Variants in BCL11B observed in about 807,000 individuals in gnomAD.
The protein encoded by BCL11B is BCL11 transcription factor B, also known as B-cell lymphoma/leukemia 11B.
BCL11B carries 8 observed loss-of-function variants against 49.9 expected under a neutral mutation model. The ratio of observed to expected loss-of-function variants is 0.16; its 90% confidence interval spans 0.09 to 0.29. The LOEUF (loss-of-function observed/expected upper bound fraction) is 0.29. Ranked by LOEUF, BCL11B falls within the 10% of genes least tolerant of loss-of-function variation. The pLI is 1.00. For missense variants in BCL11B, 1,006 were observed against 1,351.0 expected (o/e 0.74, Z 4.00); for synonymous variants, 739 against 637.4 (o/e 1.16, Z -2.40).
chr14:99,226,091 A>G (rs1273932848), intron 3 of BCL11B, among the ~76,000 whole-genome samples: 1 of 152,252 alleles, frequency 6.6e-6, no homozygotes, highest in Non-Finnish European at 1.5e-5. Flanking sequence ...AGCACTGTGA[A>G]GGCTGGGTTG....
At chr14:99,178,223 G>A (rs1282363058) in intron 3 of BCL11B, among the ~76,000 whole-genome samples, 1 of 152,226 alleles carries the variant, frequency 6.6e-6, no homozygotes, top group African/African-American at 2.4e-5. Flanking sequence ...TGTGTGTTTG[G>A]TGATGAGAAG....
chr14:99,230,432 TCAC>T (rs1057313476), intron 3 of BCL11B, among the ~76,000 whole-genome samples: 8 of 152,196 alleles, frequency 5.3e-5, no homozygotes, highest in African/African-American at 9.6e-5. Flanking sequence ...CCACGGCTGC[TCAC>T]CACATGTGTC....
chr14:99,222,883 C>T (rs1297784680), intron 3 of BCL11B, among the ~76,000 whole-genome samples: 1 of 150,582 alleles, frequency 6.6e-6, no homozygotes, highest in Non-Finnish European at 1.5e-5. Context: ...CCTTTCTTTC[C>T]TTTCTTTCTT....
chr14:99,250,859 C>A (rs1888988430), intron 2 of BCL11B, among the ~76,000 whole-genome samples: 1 of 41,040 alleles, frequency 2.4e-5, no homozygotes, highest in East Asian at 7.8e-4. Flanking sequence ...AGGCCTCAAA[C>A]CTTAAGAGAA....
chr14:99,231,301 C>A lies in BCL11B; in HGVS notation c.640+44G>T. The A allele has an allele frequency of 1.9e-6, 3 of 1,584,694 alleles. No individual in the cohort carries two copies. The highest frequency in any genetic ancestry group is 1.1e-5 in the South Asian group (1 of 87,744). On this transcript the variant is annotated intron_variant, in intron 3 of 3. Transcript: ENST00000357195. This position sits in a 1 kb window ranked among gnomAD's most constrained non-coding sequence, Gnocchi z 8.1. The stretch of plus-strand genomic sequence containing the variant: ...CTCCAGCGCTGCCCATGGCACACCC[C>A]GCCATCCCGGGGGCCCGCCCCCCAC...
At chr14:99,187,997 T>C (rs184717115) in intron 3 of BCL11B, among the ~76,000 whole-genome samples, 12 of 152,310 alleles carry the variant, frequency 7.9e-5, no homozygotes, top group African/African-American at 2.6e-4. Context: ...CCGAGTTATA[T>C]AGGTTAGCTA....
rs1029128266 is a variant in BCL11B, at chr14:99,175,939, C to G, written c.897G>C (p.Leu299=). The change falls in exon 4 of 4, where the codon CTG becomes CTC. Residue 299 remains leucine, a synonymous_variant. Coordinates refer to ENST00000357195, the MANE Select transcript of BCL11B (RefSeq NM_138576.4). ...FNLLRMTGPI[L]RDHPGFGEGR... Reference sequence around the variant, plus strand: ...CCTCGCCGAAGCCCGGGTGGTCCCGCAGGATGGGGCCCGTCATGCGCAGCA... The same window carrying G: ...CCTCGCCGAAGCCCGGGTGGTCCCGGAGGATGGGGCCCGTCATGCGCAGCA... The G allele has an allele frequency of 1.4e-6, 2 of 1,449,108 alleles. No homozygotes were observed. The highest frequency in any genetic ancestry group is 9.1e-7 in the Non-Finnish European group (1 of 1,102,238). The allele number at this position is 1,449,108 out of a possible 1,614,324, so 89.8% of individuals were successfully genotyped here.
chr14:99,267,900 T>A (rs1031985008), intron 1 of BCL11B, among the ~76,000 whole-genome samples: 2 of 152,130 alleles, frequency 1.3e-5, no homozygotes, highest in African/African-American at 2.4e-5. Flanking sequence ...ACCGTGGACA[T>A]CTTATTTTCC....
rs766014776 is a variant in BCL11B at position 99,257,816 on chromosome 14, C to T, written c.82G>A (p.Ala28Thr). The change falls in exon 2 of 4, where the codon GCC (alanine) becomes ACC (threonine). Residue 28 changes from alanine (A) to threonine (T), a missense_variant. Around this residue, in one of 6 missense-constraint regions of BCL11B, gnomAD observed 411 missense variants for 542.2 expected, o/e 0.76. Transcript: ENST00000357195. This position sits in a 1 kb window ranked among gnomAD's most constrained non-coding sequence, Gnocchi z 6.2. ...ITPEADHVEA[A>T]ILEEDEGLEI... ...AGACCCTCGTCTTCTTCGAGGATGG[C>T]GGCCTCCACATGGTCAGCCTCTGCT... 1.3e-5 allele frequency: 20 copies of T among 1,541,994 alleles called. No individual in the cohort carries two copies. The highest frequency in any genetic ancestry group is 3.9e-5 in the Admixed American group (2 of 51,878).
In BCL11B at chr14:99,175,594, A is replaced by AGGGGGCATG; in HGVS notation, c.1233_1241dup (p.Met412_Pro414dup). The AGGGGGCATG allele has an allele frequency of 6.3e-7, 1 of 1,577,374 alleles. No homozygotes were observed. The highest frequency in any genetic ancestry group is 8.6e-7 in the Non-Finnish European group (1 of 1,165,614). ...GCGGCTGCGGGGGCGGCGTGCCGCC[A>AGGGGGCATG]GGGGGCATGGGCGGCAGCGGCGGCG... On this transcript the variant is annotated inframe_insertion, in exon 4 of 4. Coordinates refer to ENST00000357195, the MANE Select transcript of BCL11B (RefSeq NM_138576.4).
In BCL11B at chr14:99,174,541, C is replaced by G. The variant is rs1449712586; in HGVS notation, c.2295G>C (p.Ser765=). ...CTCCGCTGGCCGTGCCGCTGCGGCC[C>G]GAGAGGCCGCCGTCCAGCAGGTCCC... ...PPGDLLDGGL[S]GRSGTASGGS... The change falls in exon 4 of 4, where the codon TCG becomes TCC. Residue 765 remains serine (S), a synonymous_variant. Coordinates refer to ENST00000357195, the MANE Select transcript of BCL11B (RefSeq NM_138576.4). The G allele has an allele frequency of 6.6e-7, 1 of 1,511,366 alleles. No individual in the cohort carries two copies. Among genetic ancestry groups the G allele is most frequent in the South Asian group, 1.2e-5 (1 of 81,810 alleles). 93.6% of individuals were successfully genotyped at this position (1,511,366 alleles called of 1,614,324 possible). A position where few individuals can be genotyped will look rare whatever the true frequency, so the allele number is the denominator to read the frequency against.
At chr14:99,204,453 G>C (rs934607003) in intron 3 of BCL11B, among the ~76,000 whole-genome samples, 1 of 152,296 alleles carries the variant, frequency 6.6e-6, no homozygotes, top group African/African-American at 2.4e-5. Context: ...CCTTGGGGTA[G>C]GGGGGAGGGA....
At chr14:99,267,682 G>A (rs182558636) in intron 1 of BCL11B, among the ~76,000 whole-genome samples, 7 of 152,134 alleles carry the variant, frequency 4.6e-5, no homozygotes, top group Admixed American at 6.5e-5. Context: ...TGTGAGCACC[G>A]CTGCCTTCAA....
intron 1 of BCL11B, among the ~76,000 whole-genome samples, chr14:99,258,158 T>G (rs1011525412): frequency 6.6e-6 from 1 of 152,210 alleles, no homozygotes; most frequent in African/African-American, 2.4e-5. Flanking sequence ...CGGACACACG[T>G]GCATACACAC....
intron 1 of BCL11B, 105 bp downstream of exon 1, chr14:99,271,056 G>A: frequency 1.6e-6 from 2 of 1,219,448 alleles, no homozygotes; most frequent in Non-Finnish European, 2.2e-6. Flanking sequence ...CCAGCGGGCG[G>A]CCCCGGCGCC....
rs369933059 is a variant in BCL11B, at chr14:99,204,362, G to A, written c.640+26983C>T. On this transcript the variant is annotated intron_variant, in intron 3 of 3. Transcript: ENST00000357195. ...CTGTAACAACCTAGCAACTGCCCCC[G>A]ATCCCGCACCCCACTGGCCTGTCCT... Among the ~76,000 whole-genome samples, 30 of 152,250 alleles carry A rather than the reference G, an allele frequency of 2.0e-4. No individual in the cohort carries two copies. The East Asian group carries it at 5.4e-3, about 27-fold the overall frequency.
rs546453259 is a variant in BCL11B at position 99,231,737 on chromosome 14, G to A, written c.428-180C>T. Among the ~76,000 whole-genome samples the A allele has an allele frequency of 1.3e-4, 19 of 151,998 alleles. No individual in the cohort carries two copies. Among genetic ancestry groups the A allele is most frequent in the African/African-American group, 2.9e-4 (12 of 41,474 alleles). On this transcript the variant is annotated intron_variant, in intron 2 of 3. Transcript: ENST00000357195. This position sits in a 1 kb window ranked among gnomAD's most constrained non-coding sequence, Gnocchi z 8.1. Reference sequence around the variant, plus strand: ...GGGACACAGGCGAGGGAATGGGCTCGGGGAGGTGGGCAGGGGGCACTGGGG... The same window carrying A: ...GGGACACAGGCGAGGGAATGGGCTCAGGGAGGTGGGCAGGGGGCACTGGGG...
intron 2 of BCL11B, among the ~76,000 whole-genome samples, chr14:99,253,231 C>T (rs1184662904): frequency 6.6e-6 from 1 of 152,198 alleles, no homozygotes; most frequent in Non-Finnish European, 1.5e-5. Flanking sequence ...CCTGAAACCC[C>T]CCGCCGGCTC....
chr14:99,179,860 G>A lies in BCL11B; in HGVS notation c.641-3665C>T, dbSNP rs1008054330. Among the ~76,000 whole-genome samples, 7 of 152,090 alleles carry A rather than the reference G, an allele frequency of 4.6e-5. No homozygotes were observed. The South Asian group carries it at 6.2e-4, about 14-fold the overall frequency. On this transcript the variant is annotated intron_variant, in intron 3 of 3. Transcript: ENST00000357195. ...ATCACTCCATGGTTATCTCTTGCCC[G>A]GAAGTAGCCCTGAGCATGAGGCTTG...
Sources: gnomAD v4.1 joint callset for allele counts (sites outside exome capture counted in the v4.1 genomes callset) on GRCh38, gnomAD v4.1.1 for gene constraint, gnomAD v4.1.1 regional missense constraint, Gnocchi (gnomAD v3.1) non-coding constraint, MANE v1.5 for transcripts, NCBI Gene and HGNC (gene_info 2026-07-23, HGNC 2026-07-21) for gene names.